PGK1: variants seen among roughly 807,000 people sequenced by gnomAD.
The protein encoded by PGK1 is phosphoglycerate kinase 1.
PGK1 carries 3 observed loss-of-function variants against 26.9 expected under a neutral mutation model. The observed-to-expected ratio is 0.11, with a 90% CI of 0.05 to 0.29. The LOEUF (loss-of-function observed/expected upper bound fraction) is 0.29, where lower values mean the gene tolerates loss of function less well. Among genes scored for constraint, PGK1 ranks in the 10% least tolerant of loss-of-function variants. The pLI is 1.00. For synonymous variants in PGK1, 125 were observed against 115.3 expected (o/e 1.08, Z -0.54); for missense variants, 270 against 314.7 (o/e 0.86, Z 1.07).
At chrX:78,118,597 TAAATAAAC>T (rs1557247702) in intron 6 of PGK1, among the ~76,000 whole-genome samples, 2 of 109,793 alleles carry the variant, frequency 1.8e-5, no homozygotes, top group Non-Finnish European at 3.8e-5. Flanking sequence ...AATAAATAAA[TAAATAAAC>T]AAACAAACGA....
Position 78,124,884 on chromosome X carries a change from G to A in PGK1, c.947G>A (p.Cys316Tyr). ...ACCTCTACCCCTCAGGGCTTGGACT[G>A]TGGTCCTGAAAGCAGCAAGAAGTAT... Reference protein sequence around the residue: ...GIPAGWMGLDCGPESSKKYAE... With the variant: ...GIPAGWMGLDYGPESSKKYAE... Residue 316 changes from cysteine (C) to tyrosine (Y), a missense_variant, in exon 9 of 11, where the codon TGT becomes TAT. Coordinates refer to ENST00000373316, the MANE Select transcript of PGK1 (RefSeq NM_000291.4). 8.3e-7 allele frequency: 1 copy of A among 1,208,766 alleles called. No homozygotes were observed. Among genetic ancestry groups the A allele is most frequent in the South Asian group, 1.8e-5 (1 of 56,886 alleles).
intron 10 of PGK1, 46 bp downstream of exon 10, chrX:78,125,471 G>T: frequency 1.2e-6 from 1 of 865,689 alleles, no homozygotes; most frequent in Middle Eastern, 2.8e-4. Context: ...AGGGTGGACT[G>T]TGCAGTGAGA....
chrX:78,110,306 C>T (rs1450582606), intron 2 of PGK1, among the ~76,000 whole-genome samples: 1 of 109,171 alleles, frequency 9.2e-6, no homozygotes, highest in Non-Finnish European at 1.9e-5. Context: ...GTGCACACCA[C>T]TACACCTGGT....
chrX:78,123,891 G>A (rs1388394072), intron 8 of PGK1, among the ~76,000 whole-genome samples: 4 of 111,746 alleles, frequency 3.6e-5, no homozygotes, highest in Non-Finnish European at 7.5e-5. Flanking sequence ...ACAGGCGTGA[G>A]CCACTGTGCC....
chrX:78,125,573 C>A, intron 10 of PGK1, 148 bp downstream of exon 10: 2 of 541,191 alleles, frequency 3.7e-6, no homozygotes, highest in Non-Finnish European at 6.5e-6. Flanking sequence ...TCAGATAAAG[C>A]TCCTGGCATC....
At chrX:78,119,598 G>A (rs1259284046) in intron 6 of PGK1, among the ~76,000 whole-genome samples, 1 of 111,637 alleles carries the variant, frequency 9.0e-6, no homozygotes, top group East Asian at 2.8e-4. Flanking sequence ...ATCTCATCTC[G>A]AATTATCCCC....
At chrX:78,125,142 T>C (rs1466279362) in intron 9 of PGK1, 91 bp downstream of exon 9, 62 of 852,145 alleles carry the variant, frequency 7.3e-5, no homozygotes, top group Non-Finnish European at 1.0e-4. Context: ...CTATGTCTCT[T>C]TATTCTGGGT....
intron 4 of PGK1, among the ~76,000 whole-genome samples, chrX:78,115,796 A>G (rs1261587270): frequency 8.9e-6 from 1 of 112,153 alleles, no homozygotes; most frequent in Non-Finnish European, 1.9e-5. Context: ...TCTGATTGAT[A>G]TTATTTCCAT....
intron 2 of PGK1, among the ~76,000 whole-genome samples, chrX:78,113,256 CCT>C (rs1476049656): frequency 1.8e-5 from 2 of 111,208 alleles, no homozygotes; most frequent in African/African-American, 3.3e-5. Context: ...TGAGATTGTG[CCT>C]CTCCACTCCA....
At chrX:78,110,916 T>C (rs180987531) in intron 2 of PGK1, among the ~76,000 whole-genome samples, 1 of 110,107 alleles carries the variant, frequency 9.1e-6, no homozygotes, top group African/African-American at 3.3e-5. Flanking sequence ...TTGACTAGAT[T>C]ATAAAAGGTC....
In PGK1 at chrX:78,125,945, A is replaced by G. The variant is rs1415200411; in HGVS notation, c.*115A>G. 3 of 638,383 alleles carry G rather than the reference A, an allele frequency of 4.7e-6. No homozygotes were observed. The highest frequency in any genetic ancestry group is 3.2e-5 in the East Asian group (1 of 31,045). 52.6% of individuals were successfully genotyped at this position (638,383 alleles called of 1,213,427 possible). ...TGTCAAGATTCAGCTAGTGGCCAAGAGATGCAGTGCCAGGAACCCTTAAAC... is the reference window on the plus strand; with the variant it reads ...TGTCAAGATTCAGCTAGTGGCCAAGGGATGCAGTGCCAGGAACCCTTAAAC... On this transcript the variant is annotated 3_prime_UTR_variant, in exon 11 of 11. Transcript: ENST00000373316.
In PGK1 at chrX:78,104,289, G is replaced by C. The variant is rs372263316; in HGVS notation, c.-52G>C. The C allele has an allele frequency of 1.5e-4, 140 of 956,238 alleles. No homozygotes were observed. Among genetic ancestry groups the C allele is most frequent in the Non-Finnish European group, 2.0e-4 (136 of 666,149 alleles). The allele number at this position is 956,238 out of a possible 1,213,427, so 78.8% of individuals were successfully genotyped here. A position where few individuals can be genotyped will look rare whatever the true frequency, so the allele number is the denominator to read the frequency against. Reference sequence around the variant, plus strand: ...GCCTCCGGAGCGCACGTCGGCAGTCGGCTCCCTCGTTGACCGAATCACCGA... The same window carrying C: ...GCCTCCGGAGCGCACGTCGGCAGTCCGCTCCCTCGTTGACCGAATCACCGA... On this transcript the variant is annotated 5_prime_UTR_variant, in exon 1 of 11. Coordinates refer to ENST00000373316, the MANE Select transcript of PGK1 (RefSeq NM_000291.4).
At chrX:78,112,810 TGGG>T (rs2078307583) in intron 2 of PGK1, among the ~76,000 whole-genome samples, 1 of 112,054 alleles carries the variant, frequency 8.9e-6, no homozygotes, top group Non-Finnish European at 1.9e-5. Flanking sequence ...GGAAAAGACA[TGGG>T]GGAGTCTAGA....
intron 1 of PGK1, chrX:78,106,378 A>G (rs2078272680): frequency 1.4e-6 from 1 of 740,103 alleles, no homozygotes; most frequent in South Asian, 6.9e-5. Context: ...GATACCTTCT[A>G]CTTATTTAGG....
chrX:78,129,220 C>CCTATCTATCTATCTATCTATCTATCTAT lies in PGK1; in HGVS notation c.*3405_*3432dup, dbSNP rs34507245. ...CATAAAGAGCATACCCATGTGTGTA[C>CCTATCTATCTATCTATCTATCTATCTAT]CTATCTATCTATCTATCTATCTATC... is the stretch of plus-strand genomic sequence containing the variant. On this transcript the variant is annotated 3_prime_UTR_variant, in exon 11 of 11. Transcript: ENST00000373316. The CCTATCTATCTATCTATCTATCTATCTAT allele has an allele frequency of 1.0e-4, 10 of 100,064 alleles. No individual in the cohort carries two copies. Among genetic ancestry groups the CCTATCTATCTATCTATCTATCTATCTAT allele is most frequent in the South Asian group, 5.0e-4 (1 of 1,999 alleles). 8.2% of individuals were successfully genotyped at this position (100,064 alleles called of 1,213,427 possible). A position where few individuals can be genotyped will look rare whatever the true frequency, so the allele number is the denominator to read the frequency against.
At chrX:78,116,001 A>G (rs1387891795) in intron 4 of PGK1, among the ~76,000 whole-genome samples, 1 of 105,537 alleles carries the variant, frequency 9.5e-6, no homozygotes, top group Non-Finnish European at 1.9e-5. Context: ...GGCACATACC[A>G]CCATGTCCAA....
intron 4 of PGK1, among the ~76,000 whole-genome samples, chrX:78,115,661 C>T (rs1403880106): frequency 1.8e-5 from 2 of 111,676 alleles, no homozygotes; most frequent in Admixed American, 9.5e-5. Flanking sequence ...CTCAAAAAAA[C>T]CACAAAAACA....
At chrX:78,116,525 A>G (rs1304913390) in intron 4 of PGK1, among the ~76,000 whole-genome samples, 4 of 111,685 alleles carry the variant, frequency 3.6e-5, no homozygotes, top group East Asian at 2.8e-4. Flanking sequence ...GCTTTGTGCT[A>G]TGTACTCTTC....
intron 4 of PGK1, 152 bp downstream of exon 4, chrX:78,114,312 A>G: frequency 1.7e-6 from 1 of 588,924 alleles, no homozygotes; most frequent in Non-Finnish European, 2.9e-6. Context: ...ATCTCAAAGT[A>G]AACACACTTG....
Sources: allele counts gnomAD v4.1 joint callset (sites outside exome capture counted in the v4.1 genomes callset), GRCh38; gene constraint gnomAD v4.1.1; transcripts MANE v1.5; gene names NCBI Gene and HGNC (gene_info 2026-07-23, HGNC 2026-07-21).